The following NRXN1 variants were observed in gnomAD, a reference collection of about 807,000 sequenced individuals.
The protein encoded by NRXN1 is neurexin 1.
Under a neutral mutation model 150.9 loss-of-function variants are expected in NRXN1, and 39 were observed. The ratio of observed to expected loss-of-function variants is 0.26; its 90% CI spans 0.20 to 0.34. NRXN1 has a LOEUF of 0.34. NRXN1 is among the 10% of genes least tolerant of loss of function. The pLI, the probability that NRXN1 is intolerant of heterozygous loss-of-function variation, is 1.00. For missense variants in NRXN1, 1,815 were observed against 1,949.9 expected (o/e 0.93, Z 1.30); for synonymous variants, 924 against 757.0 (o/e 1.22, Z -3.62).
intron 5 of NRXN1, among the ~76,000 whole-genome samples, chr2:50,835,283 G>T (rs1671952631): frequency 6.6e-6 from 1 of 152,030 alleles, no homozygotes; most frequent in Non-Finnish European, 1.5e-5. Flanking sequence ...AAAATCTAAT[G>T]ATACCCTTAA....
intron 19 of NRXN1, among the ~76,000 whole-genome samples, chr2:50,080,527 C>T (rs920679831): frequency 2.0e-5 from 3 of 152,046 alleles, no homozygotes; most frequent in Non-Finnish European, 4.4e-5. Flanking sequence ...TTCACCATCC[C>T]ACTTCACAAT....
intron 18 of NRXN1, among the ~76,000 whole-genome samples, chr2:50,146,274 T>A (rs1303129649): frequency 6.6e-6 from 1 of 151,636 alleles, no homozygotes; most frequent in African/African-American, 2.4e-5. Flanking sequence ...GTGTGGTGAT[T>A]CCTCAAGGAT....
chr2:50,412,688 T>G (rs1015653051), intron 17 of NRXN1, among the ~76,000 whole-genome samples: 1 of 152,202 alleles, frequency 6.6e-6, no homozygotes. Context: ...AAAGCAATCA[T>G]ACAATATAAT....
intron 2 of NRXN1, among the ~76,000 whole-genome samples, chr2:51,021,444 T>C (rs1189822973): frequency 6.6e-6 from 1 of 152,010 alleles, no homozygotes; most frequent in Admixed American, 6.6e-5. Flanking sequence ...AGAAATATTA[T>C]ACAGTGCCAG....
chr2:50,421,860 C>G (rs1434437654), intron 17 of NRXN1, among the ~76,000 whole-genome samples: 1 of 152,052 alleles, frequency 6.6e-6, no homozygotes, highest in African/African-American at 2.4e-5. Context: ...AAAGAAACCA[C>G]AAATGATTTG....
At chr2:50,270,697 G>C (rs1404021873) in intron 17 of NRXN1, among the ~76,000 whole-genome samples, 1 of 146,444 alleles carries the variant, frequency 6.8e-6, no homozygotes, top group Non-Finnish European at 1.5e-5. Context: ...TTGAAACAGA[G>C]TCTCATTTGT....
chr2:50,827,778 G>T (rs1351282840), intron 5 of NRXN1, among the ~76,000 whole-genome samples: 1 of 150,898 alleles, frequency 6.6e-6, no homozygotes, highest in Non-Finnish European at 1.5e-5. Context: ...GTGTCCCTGG[G>T]TACTTGAGAT....
chr2:50,604,414 A>G (rs1002962978), intron 8 of NRXN1, among the ~76,000 whole-genome samples: 1 of 152,176 alleles, frequency 6.6e-6, no homozygotes, highest in African/African-American at 2.4e-5. Flanking sequence ...CCTTTCCTGC[A>G]GCAGTCACAT....
intron 17 of NRXN1, among the ~76,000 whole-genome samples, chr2:50,334,735 G>C (rs1056899373): frequency 1.3e-5 from 2 of 152,168 alleles, no homozygotes; most frequent in African/African-American, 4.8e-5. Flanking sequence ...ACTATTATCT[G>C]TTATCTAGAA....
chr2:50,732,020 TAG>T (rs1406586491), intron 5 of NRXN1, among the ~76,000 whole-genome samples: 1 of 152,158 alleles, frequency 6.6e-6, no homozygotes, highest in African/African-American at 2.4e-5. Flanking sequence ...AAGTACTTCA[TAG>T]AGTCTTAAAA....
intron 5 of NRXN1, among the ~76,000 whole-genome samples, chr2:50,624,521 G>C (rs553391618): frequency 4.6e-5 from 7 of 152,170 alleles, no homozygotes; most frequent in Admixed American, 2.0e-4. Flanking sequence ...TTTTATCATT[G>C]AGAGACCATA....
chr2:50,857,107 T>C (rs1173448257), intron 5 of NRXN1, among the ~76,000 whole-genome samples: 6 of 152,152 alleles, frequency 3.9e-5, no homozygotes, highest in Non-Finnish European at 8.8e-5. Context: ...GTTGCATATG[T>C]ATTAAATGAT....
intron 17 of NRXN1, among the ~76,000 whole-genome samples, chr2:50,462,895 A>T (rs11676290): frequency 0.44 from 66,924 of 151,592 alleles, 15,036 homozygotes; most frequent in East Asian, 0.58. Context: ...CAGCGAGATG[A>T]CATTTAGAAA....
chr2:50,840,362 T>A (rs1672690410), intron 5 of NRXN1, among the ~76,000 whole-genome samples: 2 of 152,148 alleles, frequency 1.3e-5, no homozygotes, highest in South Asian at 4.1e-4. Flanking sequence ...AAGATACACT[T>A]ATGATTAACA....
At chr2:50,006,311 C>G (rs1324446965) in intron 21 of NRXN1, among the ~76,000 whole-genome samples, 1 of 152,112 alleles carries the variant, frequency 6.6e-6, no homozygotes, top group Admixed American at 6.6e-5. Context: ...TCTAGTCTCT[C>G]CCTTCTTAGG....
intron 17 of NRXN1, among the ~76,000 whole-genome samples, chr2:50,275,163 C>T (rs931370866): frequency 6.6e-6 from 1 of 152,094 alleles, no homozygotes; most frequent in Non-Finnish European, 1.5e-5. Flanking sequence ...CAATGAACTA[C>T]CAAATTTAGA....
chr2:50,656,465 T>G, intron 5 of NRXN1: 1 of 742,354 alleles, frequency 1.3e-6, no homozygotes, highest in Non-Finnish European at 2.5e-6. Flanking sequence ...CTTTTCAGTT[T>G]TTGCTCTGTT....
intron 17 of NRXN1, among the ~76,000 whole-genome samples, chr2:50,426,425 C>T (rs1168431160): frequency 2.6e-5 from 4 of 152,132 alleles, no homozygotes; most frequent in African/African-American, 9.7e-5. Flanking sequence ...GAAACATTCT[C>T]CTAAATTTGA....
intron 5 of NRXN1, among the ~76,000 whole-genome samples, chr2:50,643,411 T>C (rs1684346191): frequency 6.6e-6 from 1 of 152,040 alleles, no homozygotes; most frequent in African/African-American, 2.4e-5. Flanking sequence ...AATTTTTATG[T>C]GTTTGTTCTT....
Sources: gnomAD v4.1 joint callset for allele counts (sites outside exome capture counted in the v4.1 genomes callset) on GRCh38, gnomAD v4.1.1 for gene constraint, MANE v1.5 for transcripts, NCBI Gene and HGNC (gene_info 2026-07-23, HGNC 2026-07-21) for gene names.